Variants in LTBP4 observed in about 807,000 individuals in gnomAD.
LTBP4 encodes the protein latent-transforming growth factor beta-binding protein 4.
In LTBP4, 93 loss-of-function variants were observed where a neutral mutation model predicts 180.2. That is an observed-to-expected ratio of 0.52 (90% confidence interval 0.44 to 0.61). LTBP4 has a LOEUF of 0.61. Ranked by LOEUF, LTBP4 falls within the 20% of genes least tolerant of loss-of-function variation. The pLI, the probability that LTBP4 is intolerant of heterozygous loss-of-function variation, is 0.00. For synonymous variants in LTBP4, 947 were observed against 934.5 expected, an observed-to-expected ratio of 1.01 and a Z score of -0.24; for missense variants, 2,116 against 2,256.5, an observed-to-expected ratio of 0.94 and a Z score of 1.26.
At chr19:40,618,313 G>C (rs186500523) in intron 21 of LTBP4, among the ~76,000 whole-genome samples, 3 of 150,630 alleles carry the variant, frequency 2.0e-5, no homozygotes, top group Non-Finnish European at 4.4e-5. Context: ...AGGCTGGAGT[G>C]CAATGGCATG....
intron 1 of LTBP4, among the ~76,000 whole-genome samples, chr19:40,594,928 TG>T (rs887015161): frequency 4.3e-5 from 4 of 93,326 alleles, no homozygotes; most frequent in Non-Finnish European, 8.8e-5. Context: ...GGAGCAGGAG[TG>T]GGGGGTGGGG....
intron 21 of LTBP4, among the ~76,000 whole-genome samples, chr19:40,618,233 A>T (rs1350356736): frequency 2.0e-5 from 3 of 151,420 alleles, no homozygotes; most frequent in African/African-American, 7.3e-5. Flanking sequence ...ACGCCCAGCT[A>T]ATGTTTTTAA....
chr19:40,603,523 C>T (rs902717427), intron 1 of LTBP4, among the ~76,000 whole-genome samples: 2 of 152,216 alleles, frequency 1.3e-5, no homozygotes, highest in Admixed American at 1.3e-4. Context: ...AGGACTCCTG[C>T]TGAAAGGACG....
At chr19:40,608,459 C>G in intron 8 of LTBP4, 25 bp from the exon 9 acceptor site, 1 of 1,592,928 alleles carries the variant, frequency 6.3e-7, no homozygotes, top group South Asian at 1.1e-5. Flanking sequence ...TTGGGCTCCA[C>G]TCGTTGATAC....
chr19:40,617,262 G>T, intron 21 of LTBP4, 37 bp downstream of exon 21: 2 of 1,596,590 alleles, frequency 1.3e-6, no homozygotes, highest in South Asian at 1.1e-5. Flanking sequence ...ACCAAAGGGG[G>T]TGGGGGAGGT....
At chr19:40,626,179 A>G (rs1166536604) in intron 27 of LTBP4, among the ~76,000 whole-genome samples, 170 bp downstream of exon 27, 3 of 152,010 alleles carry the variant, frequency 2.0e-5, no homozygotes, top group Non-Finnish European at 2.9e-5. Context: ...TCACACTCCA[A>G]AGACTTCCAA....
Position 40,609,436 on chromosome 19 carries a change from G to A in LTBP4, c.1427-94G>A. 1 of 1,498,128 alleles carries A rather than the reference G, an allele frequency of 6.7e-7. No individual in the cohort carries two copies. Among genetic ancestry groups the A allele is most frequent in the South Asian group, 1.2e-5 (1 of 83,878 alleles). 92.8% of individuals were successfully genotyped at this position (1,498,128 alleles called of 1,614,324 possible). ...TTGGGGAGGAGACATCCATGAAGGT[G>A]TTTTATGGATGTCTCCGGGGGTGGG... On this transcript the variant is annotated intron_variant, in intron 9 of 29. Transcript: ENST00000396819. This position sits in a 1 kb window ranked among gnomAD's most constrained non-coding sequence, Gnocchi z 4.9.
Position 40,611,525 on chromosome 19 carries a change from ACTCCAGAGTCTTCTCTC to A in LTBP4, c.2053+134_2053+150del. Reference sequence around the variant, plus strand: ...ACAGGGGCTGAGGGATGGGGACCTCACTCCAGAGTCTTCTCTCCTTTCAACAAAATAAGGCAGTCCTC... The same window carrying A: ...ACAGGGGCTGAGGGATGGGGACCTCACTTTCAACAAAATAAGGCAGTCCTC... On this transcript the variant is annotated intron_variant, in intron 13 of 29. Transcript: ENST00000396819. The surrounding 1 kb of genome is among the most constrained non-coding windows in gnomAD (Gnocchi z 4.4). 1 of 1,320,714 alleles carries A rather than the reference ACTCCAGAGTCTTCTCTC, an allele frequency of 7.6e-7. No homozygotes were observed. Among genetic ancestry groups the A allele is most frequent in the Non-Finnish European group, 1.0e-6 (1 of 979,556 alleles). The allele number at this position is 1,320,714 out of a possible 1,614,324, so 81.8% of individuals were successfully genotyped here. A position where few individuals can be genotyped will look rare whatever the true frequency, so the allele number is the denominator to read the frequency against.
Position 40,606,135 on chromosome 19 carries a change from C to A in LTBP4, c.794-98C>A, listed in dbSNP as rs1599861814. 4 of 1,140,282 alleles carry A rather than the reference C, an allele frequency of 3.5e-6. No individual in the cohort carries two copies. The East Asian group carries it at 1.0e-4, about 29-fold the overall frequency. 70.6% of individuals were successfully genotyped at this position (1,140,282 alleles called of 1,614,324 possible). On this transcript the variant is annotated intron_variant, in intron 4 of 29. Coordinates refer to ENST00000396819, the MANE Select transcript of LTBP4 (RefSeq NM_001042545.2). ...GCTGTCCCTGCACTTAAACTACAGC[C>A]AACATCTTTTAGTCCCTCCCACCCC... is the stretch of plus-strand genomic sequence containing the variant.
chr19:40,606,441 C>T lies in LTBP4; in HGVS notation c.906C>T (p.His302=). Residue 302 remains histidine (H), a synonymous_variant, in exon 6 of 30, where the codon CAC becomes CAT. Transcript: ENST00000396819. ...DECATGGRCQ[H]GECANTRGGY... ...GCGCGACTGGCGGGCGCTGCCAGCA[C>T]GGCGAGTGTGCAAACACGCGCGGCG... The T allele has an allele frequency of 6.3e-7, 1 of 1,589,960 alleles. No individual in the cohort carries two copies. Among genetic ancestry groups the T allele is most frequent in the Non-Finnish European group, 8.6e-7 (1 of 1,168,180 alleles).
rs757515562 is a variant in LTBP4 at position 40,606,293 on chromosome 19, A to G, written c.854A>G (p.Asn285Ser). ...GPCPTGFERV[N>S]GSCEDVDECA... The stretch of plus-strand genomic sequence containing the variant: ...TGTCCAACCGGCTTTGAAAGAGTTA[A>G]TGGGTCCTGCGAAGGTGCAACGGGG... The change falls in exon 5 of 30, where the codon AAT becomes AGT. Residue 285 changes from asparagine (N) to serine (S), a missense_variant. Physicochemically the swap from Asn to Ser is conservative, Grantham distance 46. Transcript: ENST00000396819. The G allele has an allele frequency of 1.9e-6, 3 of 1,592,008 alleles. No individual in the cohort carries two copies. In the Admixed American group the frequency reaches 5.1e-5, roughly 27 times the overall value.
At chr19:40,624,188 A>G (rs1017822352) in intron 26 of LTBP4, 106 bp downstream of exon 26, 53 of 1,338,474 alleles carry the variant, frequency 4.0e-5, no homozygotes, top group Non-Finnish European at 4.2e-5. Flanking sequence ...GCCACGCCCC[A>G]TGCTCCTGGC....
chr19:40,617,745 G>GT (rs2081560857), intron 21 of LTBP4, among the ~76,000 whole-genome samples: 1 of 151,528 alleles, frequency 6.6e-6, no homozygotes, highest in African/African-American at 2.4e-5. Flanking sequence ...TTTTAAAAAT[G>GT]TATAAAGTAT....
chr19:40,593,323 G>A (rs1052907673), intron 1 of LTBP4: 4 of 899,650 alleles, frequency 4.4e-6, no homozygotes, highest in Non-Finnish European at 6.9e-6. Context: ...GCTCACTGCA[G>A]CCTCGGCCTT....
intron 26 of LTBP4, among the ~76,000 whole-genome samples, chr19:40,625,252 TTATATATATATATATATATATA>T (rs71173663): frequency 2.0e-4 from 9 of 44,030 alleles, no homozygotes; most frequent in South Asian, 8.1e-4. Context: ...ATTTTTGTAT[TTATATATATATATATATATATA>T]TATATATATA....
chr19:40,597,941 G>C (rs2081399797), upstream of LTBP4, among the ~76,000 whole-genome samples: 1 of 152,086 alleles, frequency 6.6e-6, no homozygotes, highest in Non-Finnish European at 1.5e-5. Context: ...GAGTCCTCAG[G>C]CTTCAGAACG....
At chr19:40,610,766 C>A in intron 12 of LTBP4, 109 bp downstream of exon 12, 1 of 1,439,582 alleles carries the variant, frequency 6.9e-7, no homozygotes, top group Non-Finnish European at 9.2e-7. Flanking sequence ...GATTTGGAGA[C>A]AGAGGCCAGG....
chr19:40,599,374 G>A, upstream of LTBP4: 1 of 1,610,134 alleles, frequency 6.2e-7, no homozygotes, highest in Non-Finnish European at 8.5e-7. Context: ...TGGTAGAGAA[G>A]TACTTGGTCC....
At chr19:40,595,519 G>T (rs2081385396) in intron 1 of LTBP4, among the ~76,000 whole-genome samples, 1 of 151,952 alleles carries the variant, frequency 6.6e-6, no homozygotes, top group Non-Finnish European at 1.5e-5. Flanking sequence ...TCCCCAGAGG[G>T]TATCAGACCC....
Sources: allele counts gnomAD v4.1 joint callset (sites outside exome capture counted in the v4.1 genomes callset), GRCh38; gene constraint gnomAD v4.1.1; non-coding constraint Gnocchi (gnomAD v3.1); transcripts MANE v1.5; gene names NCBI Gene and HGNC (gene_info 2026-07-23, HGNC 2026-07-21).